TRIM65: variants seen among roughly 807,000 people sequenced by gnomAD.
The protein encoded by TRIM65 is tripartite motif containing 65, also known as E3 ubiquitin-protein ligase TRIM65.
Under a neutral mutation model 36.1 loss-of-function variants are expected in TRIM65, and 46 were observed. That is an observed-to-expected ratio of 1.27 (90% CI 1.01 to 1.63). The LOEUF (loss-of-function observed/expected upper bound fraction) is 1.63, where lower values mean the gene tolerates loss of function less well. Ranked by LOEUF, TRIM65 falls within the 40% of genes most tolerant of loss-of-function variation. TRIM65 has a pLI of 0.00. For missense variants in TRIM65, 708 were observed against 696.6 expected, an observed-to-expected ratio of 1.02 and a Z score of -0.18; for synonymous variants, 346 against 313.6, an observed-to-expected ratio of 1.10 and a Z score of -1.09.
downstream of TRIM65, among the ~76,000 whole-genome samples, chr17:75,879,767 T>A (rs570543582): frequency 2.6e-5 from 4 of 150,944 alleles, no homozygotes; most frequent in African/African-American, 9.9e-5. Context: ...TATTTTTATT[T>A]TTTTAGATGG....
At chr17:75,893,747 C>A (rs59822030) in intron 1 of TRIM65, among the ~76,000 whole-genome samples, 1 of 152,078 alleles carries the variant, frequency 6.6e-6, no homozygotes, top group Non-Finnish European at 1.5e-5. Context: ...CACAGGAGGC[C>A]GGAGGGCAGG....
intron 2 of TRIM65, 78 bp from the exon 3 acceptor site, chr17:75,892,578 G>C: frequency 2.9e-6 from 4 of 1,397,094 alleles, no homozygotes; most frequent in Non-Finnish European, 4.0e-6. Flanking sequence ...AGGGCTGCCT[G>C]CTGGGCTGAG....
In TRIM65 at chr17:75,896,772, C is replaced by T; in HGVS notation, c.166G>A (p.Asp56Asn). The T allele has an allele frequency of 3.3e-6, 5 of 1,495,540 alleles. No homozygotes were observed. The highest frequency in any genetic ancestry group is 2.1e-4 in the Middle Eastern group (1 of 4,856). 92.6% of individuals were successfully genotyped at this position (1,495,540 alleles called of 1,614,324 possible). A position where few individuals can be genotyped will look rare whatever the true frequency, so the allele number is the denominator to read the frequency against. ...ACPECREPFP[D>N]GAELRRNVAL... Reference sequence around the variant, plus strand: ...ACGTTGCGGCGCAGCTCGGCGCCGTCGGGAAAGGGCTCCCGGCACTCGGGG... The same window carrying T: ...ACGTTGCGGCGCAGCTCGGCGCCGTTGGGAAAGGGCTCCCGGCACTCGGGG... Residue 56 changes from aspartate (D) to asparagine (N), a missense_variant, in exon 1 of 6, where the codon GAC becomes AAC. Physicochemically the swap from Asp to Asn is conservative, Grantham distance 23 (BLOSUM62 1). Coordinates refer to ENST00000269383, the MANE Select transcript of TRIM65 (RefSeq NM_173547.4).
At position 75,892,993 on chromosome 17, in the gene TRIM65, C is replaced by T. The variant is rs745426004; in HGVS notation, c.415-143G>A. 5.6e-5 allele frequency: 39 copies of T among 695,666 alleles called. 4 individuals are homozygous for T. The highest frequency in any genetic ancestry group is 3.7e-4 in the South Asian group (21 of 56,046). The allele number at this position is 695,666 out of a possible 1,614,324, so 43.1% of individuals were successfully genotyped here. On this transcript the variant is annotated intron_variant, in intron 1 of 5. Coordinates refer to ENST00000269383, the MANE Select transcript of TRIM65 (RefSeq NM_173547.4). ...AGGCCAGCCTCCAGAGCACCGGCCTCGGTCTAACCCAGGGAGAGTTGGGGC... is the reference window on the plus strand; with the variant it reads ...AGGCCAGCCTCCAGAGCACCGGCCTTGGTCTAACCCAGGGAGAGTTGGGGC...
downstream of TRIM65, among the ~76,000 whole-genome samples, chr17:75,885,333 C>G (rs2065199316): frequency 6.6e-6 from 1 of 152,184 alleles, no homozygotes; most frequent in Admixed American, 6.5e-5. Flanking sequence ...GTCACCCAGG[C>G]TGGTGAGATC....
downstream of TRIM65, among the ~76,000 whole-genome samples, chr17:75,885,286 A>ATATT: frequency 6.6e-6 from 1 of 152,060 alleles, no homozygotes; most frequent in African/African-American, 2.4e-5. Flanking sequence ...TAATTTTTAA[A>ATATT]TATTTATTTA....
At position 75,892,436 on chromosome 17, in the gene TRIM65, T is replaced by G. The variant is rs767818513; in HGVS notation, c.575A>C (p.Glu192Ala). ...GKFSSLLQALEIQHTTALRSI... is the reference protein window; with the variant it reads ...GKFSSLLQALAIQHTTALRSI... ...CCTCAGTGCTGTCGTGTGCTGTATT[T>G]CCAGGGCCTGTAGCAGGCTGCTGAA... Residue 192 changes from glutamate (E) to alanine (A), a missense_variant, in exon 3 of 6, where the codon GAA (glutamate) becomes GCA (alanine). Coordinates refer to ENST00000269383, the MANE Select transcript of TRIM65 (RefSeq NM_173547.4). 7.4e-6 allele frequency: 12 copies of G among 1,614,004 alleles called. No individual in the cohort carries two copies. In the Admixed American group the frequency reaches 2.0e-4, roughly 27 times the overall value.
chr17:75,893,973 G>A (rs910304326), intron 1 of TRIM65, among the ~76,000 whole-genome samples: 3 of 152,044 alleles, frequency 2.0e-5, no homozygotes, highest in Non-Finnish European at 4.4e-5. Flanking sequence ...CATCCTCCTC[G>A]GCGGCTTCAG....
chr17:75,895,769 ACTT>A (rs772635698), intron 1 of TRIM65, among the ~76,000 whole-genome samples: 2 of 152,138 alleles, frequency 1.3e-5, no homozygotes, highest in African/African-American at 4.8e-5. Flanking sequence ...TGGAACACTG[ACTT>A]CTTAAGTGGA....
At chr17:75,892,915 C>T in intron 1 of TRIM65, 65 bp from the exon 2 acceptor site, 1 of 1,456,538 alleles carries the variant, frequency 6.9e-7, no homozygotes, top group Non-Finnish European at 9.4e-7. Flanking sequence ...TGTCCTTTCT[C>T]AGACAACCAA....
At chr17:75,883,718 G>A (rs2065185099) in intron 4 of TRIM65, among the ~76,000 whole-genome samples, 1 of 151,532 alleles carries the variant, frequency 6.6e-6, no homozygotes, top group African/African-American at 2.4e-5. Context: ...TAGTGGAGAG[G>A]GGGTTTCACC....
At chr17:75,891,921 C>T (rs780780673) in intron 4 of TRIM65, 43 bp from the exon 5 acceptor site, 26 of 1,582,854 alleles carry the variant, frequency 1.6e-5, no homozygotes, top group Middle Eastern at 1.7e-4. Context: ...GGAGAGGTCA[C>T]GATGTGTGGG....
intron 2 of TRIM65, 91 bp from the exon 3 acceptor site, chr17:75,892,591 T>C (rs3744028): frequency 0.2 from 259,609 of 1,322,824 alleles, 29,428 homozygotes; most frequent in African/African-American, 0.48. Context: ...GGGCTGAGGG[T>C]CAGGGATGTG....
downstream of TRIM65, among the ~76,000 whole-genome samples, chr17:75,879,970 T>C (rs2065159415): frequency 6.6e-6 from 1 of 150,592 alleles, no homozygotes; most frequent in African/African-American, 2.5e-5. Flanking sequence ...GCCAAGCTGG[T>C]CTCGAACTGC....
chr17:75,885,539 C>T (rs2144015058), downstream of TRIM65, among the ~76,000 whole-genome samples: 1 of 152,336 alleles, frequency 6.6e-6, no homozygotes, highest in East Asian at 1.9e-4. Flanking sequence ...GCCACCGCGC[C>T]CAGCCAGCTT....
intron 1 of TRIM65, among the ~76,000 whole-genome samples, chr17:75,896,055 TTTTG>T (rs994265258): frequency 5.6e-4 from 86 of 152,230 alleles, no homozygotes; most frequent in Admixed American, 2.3e-3. Context: ...ACCCACGATT[TTTTG>T]TTTGTTTATT....
At chr17:75,886,521 C>CAAAAAAAA (rs537579897), downstream of TRIM65, among the ~76,000 whole-genome samples, 1 of 77,014 alleles carries the variant, frequency 1.3e-5, no homozygotes. Flanking sequence ...GACTCCGTTT[C>CAAAAAAAA]AAAAAAAAAA....
At chr17:75,886,842 T>C (rs143304783), downstream of TRIM65, among the ~76,000 whole-genome samples, 196 of 152,236 alleles carry the variant, frequency 1.3e-3, no homozygotes, top group African/African-American at 4.5e-3. Context: ...ATCCCAACTC[T>C]GTGCTGCCTT....
Position 75,890,591 on chromosome 17 carries a change from C to T in TRIM65, c.*188G>A. 1 of 549,304 alleles carries T rather than the reference C, an allele frequency of 1.8e-6. No homozygotes were observed. The highest frequency in any genetic ancestry group is 3.1e-6 in the Non-Finnish European group (1 of 321,022). 34.0% of individuals were successfully genotyped at this position (549,304 alleles called of 1,614,324 possible). On this transcript the variant is annotated 3_prime_UTR_variant, in exon 6 of 6. Transcript: ENST00000269383. ...GCATCCCATTTATCCCCCTCCTAGACTGTGTCCCCTTCAAAAAGGCTGCAA... is the reference window on the plus strand; with the variant it reads ...GCATCCCATTTATCCCCCTCCTAGATTGTGTCCCCTTCAAAAAGGCTGCAA...
Sources: allele counts gnomAD v4.1 joint callset (sites outside exome capture counted in the v4.1 genomes callset), GRCh38; gene constraint gnomAD v4.1.1; transcripts MANE v1.5; gene names NCBI Gene and HGNC (gene_info 2026-07-23, HGNC 2026-07-21).